The following SAMD8 variants were observed in gnomAD, a reference collection of about 807,000 sequenced individuals.
SAMD8 encodes the protein sphingomyelin synthase-related protein 1.
SAMD8 carries 20 observed loss-of-function variants against 42.0 expected under a neutral mutation model. The observed-to-expected ratio is 0.48, with a 90% CI of 0.34 to 0.69. The LOEUF (loss-of-function observed/expected upper bound fraction) is 0.69, where lower values mean the gene tolerates loss of function less well. SAMD8 is among the 30% of genes least tolerant of loss of function. The probability of loss-of-function intolerance (pLI) is 0.01; values close to 1 mark genes in which losing one functional copy is unlikely to be tolerated. For synonymous variants in SAMD8, 162 were observed against 173.0 expected, an observed-to-expected ratio of 0.94 and a Z score of 0.50; for missense variants, 328 against 511.6, an observed-to-expected ratio of 0.64 and a Z score of 3.46.
chr10:75,145,517 T>A (rs1840111051), intron 1 of SAMD8, among the ~76,000 whole-genome samples: 1 of 152,206 alleles, frequency 6.6e-6, no homozygotes, highest in African/African-American at 2.4e-5. Context: ...GAGCTTTTTG[T>A]GGGATGCTGT....
intron 4 of SAMD8, among the ~76,000 whole-genome samples, chr10:75,174,595 C>T (rs752363573): frequency 6.8e-6 from 1 of 146,362 alleles, no homozygotes; most frequent in African/African-American, 2.6e-5. Flanking sequence ...CCACCATGCC[C>T]AGCTAATTTT....
chr10:75,113,946 CTG>C (rs1487337771), intron 1 of SAMD8, among the ~76,000 whole-genome samples: 4 of 152,190 alleles, frequency 2.6e-5, no homozygotes, highest in Non-Finnish European at 5.9e-5. Flanking sequence ...TAAAGAGAAA[CTG>C]TTAGATGGAG....
At chr10:75,099,628 T>C in exon 1 of SAMD8, 1 of 1,044,988 alleles carries the variant, frequency 9.6e-7, no homozygotes, top group Non-Finnish European at 1.2e-6. Flanking sequence ...GGCCCTCCGG[T>C]CCCTCTAAAC....
At chr10:75,137,972 G>T (rs1159241240) in intron 1 of SAMD8, among the ~76,000 whole-genome samples, 1 of 152,174 alleles carries the variant, frequency 6.6e-6, no homozygotes, top group Non-Finnish European at 1.5e-5. Context: ...GCTGCTTCAT[G>T]ACCCTTACAA....
chr10:75,166,378 G>A (rs1426705993), intron 3 of SAMD8, among the ~76,000 whole-genome samples: 3 of 149,224 alleles, frequency 2.0e-5, no homozygotes, highest in Admixed American at 6.7e-5. Flanking sequence ...CTGTAGATAT[G>A]TGAGCTTTTG....
At chr10:75,103,973 A>G in intron 1 of SAMD8, 1 of 1,337,902 alleles carries the variant, frequency 7.5e-7, no homozygotes, top group Non-Finnish European at 9.9e-7. Flanking sequence ...TCTAGGGCCG[A>G]CCCCACGCTG....
intron 1 of SAMD8, among the ~76,000 whole-genome samples, chr10:75,106,468 A>T (rs1050309181): frequency 6.6e-6 from 1 of 152,136 alleles, no homozygotes; most frequent in African/African-American, 2.4e-5. Flanking sequence ...TGGCTGAGAC[A>T]CGGCTTCCTC....
chr10:75,155,347 A>G (rs548399108), intron 2 of SAMD8, among the ~76,000 whole-genome samples: 1 of 152,294 alleles, frequency 6.6e-6, no homozygotes, highest in Non-Finnish European at 1.5e-5. Flanking sequence ...TTCAGATGTC[A>G]AGGAAGAGAT....
intron 1 of SAMD8, chr10:75,105,628 A>G: frequency 6.5e-7 from 1 of 1,540,344 alleles, no homozygotes; most frequent in South Asian, 1.2e-5. Flanking sequence ...TCTTCCGGCC[A>G]ACCACATCCA....
chr10:75,121,678 T>C (rs1849008397), intron 1 of SAMD8, among the ~76,000 whole-genome samples: 1 of 152,168 alleles, frequency 6.6e-6, no homozygotes. Flanking sequence ...TTGAATTTAA[T>C]TGACCTTCTT....
upstream of SAMD8, chr10:75,109,055 A>G (rs1215152499): frequency 6.2e-7 from 1 of 1,611,916 alleles, no homozygotes; most frequent in African/African-American, 1.3e-5. Flanking sequence ...ACACGGCTGC[A>G]AGAAGACTTC....
intron 3 of SAMD8, among the ~76,000 whole-genome samples, chr10:75,167,397 C>T (rs1222484997): frequency 6.6e-6 from 1 of 151,994 alleles, no homozygotes; most frequent in Non-Finnish European, 1.5e-5. Context: ...AGATACACAC[C>T]AACATGCCTG....
intron 4 of SAMD8, 164 bp from the exon 5 acceptor site, chr10:75,175,902 C>T: frequency 1.0e-6 from 1 of 985,386 alleles, no homozygotes; most frequent in Non-Finnish European, 1.2e-6. Flanking sequence ...TTTGCCCACC[C>T]ATTCTTGAAG....
In SAMD8 at chr10:75,176,014, G is replaced by A; in HGVS notation, c.793-52G>A. 1.3e-6 allele frequency: 2 copies of A among 1,570,720 alleles called. No homozygotes were observed. Among genetic ancestry groups the A allele is most frequent in the Non-Finnish European group, 1.7e-6 (2 of 1,159,850 alleles). ...TTTCAATAGGAATGGATGTTGGGAA[G>A]TTCCCACCTCCCTAAGCATTTGAAG... On this transcript the variant is annotated intron_variant, in intron 4 of 5. Coordinates refer to ENST00000542569, the MANE Select transcript of SAMD8 (RefSeq NM_001174156.2). The surrounding 1 kb of genome is among the most constrained non-coding windows in gnomAD (Gnocchi z 4.3).
intron 1 of SAMD8, among the ~76,000 whole-genome samples, chr10:75,136,101 T>C (rs1839880586): frequency 6.6e-6 from 1 of 152,058 alleles, no homozygotes; most frequent in African/African-American, 2.4e-5. Context: ...AGATACACTC[T>C]CATTTTGCCT....
chr10:75,109,050 G>A (rs753821323), upstream of SAMD8: 2 of 1,611,690 alleles, frequency 1.2e-6, no homozygotes, highest in Admixed American at 1.7e-5. Flanking sequence ...CGTCCACACG[G>A]CTGCAAGAAG....
At chr10:75,100,651 C>G (rs1848103388) in intron 1 of SAMD8, among the ~76,000 whole-genome samples, 1 of 152,224 alleles carries the variant, frequency 6.6e-6, no homozygotes, top group South Asian at 2.1e-4. Context: ...CCTTCTCTCC[C>G]TGATCCCGTG....
intron 1 of SAMD8, among the ~76,000 whole-genome samples, chr10:75,147,475 G>A (rs1209325653): frequency 2.6e-5 from 4 of 152,200 alleles, no homozygotes; most frequent in African/African-American, 9.6e-5. Context: ...ACAGGCGCCC[G>A]CCACCATGCC....
intron 2 of SAMD8, among the ~76,000 whole-genome samples, chr10:75,163,035 C>T (rs1840595651): frequency 6.6e-6 from 1 of 151,940 alleles, no homozygotes; most frequent in Admixed American, 6.6e-5. Flanking sequence ...AAGCAGTTCT[C>T]TGCCTCAGCC....
Sources: allele counts gnomAD v4.1 joint callset (sites outside exome capture counted in the v4.1 genomes callset), GRCh38; gene constraint gnomAD v4.1.1; non-coding constraint Gnocchi (gnomAD v3.1); transcripts MANE v1.5; gene names NCBI Gene and HGNC (gene_info 2026-07-23, HGNC 2026-07-21).